RAD50: variants seen among roughly 807,000 people sequenced by gnomAD.
RAD50 encodes the protein DNA repair protein RAD50.
Under a neutral mutation model 168.8 loss-of-function variants are expected in RAD50, and 132 were observed. That is an observed-to-expected ratio of 0.78 (90% CI 0.68 to 0.90). The LOEUF (loss-of-function observed/expected upper bound fraction) is 0.90. Among genes scored for constraint, RAD50 ranks in the 40% least tolerant of loss-of-function variants. RAD50 has a pLI of 0.00. For synonymous variants in RAD50, 525 were observed against 497.4 expected (o/e 1.06, Z -0.74); for missense variants, 1,347 against 1,534.4 (o/e 0.88, Z 2.04).
Position 132,642,413 on chromosome 5 carries a change from T to A in RAD50, c.*49T>A. On this transcript the variant is annotated 3_prime_UTR_variant, in exon 25 of 25. Transcript: ENST00000378823. ...TAGAAATGTAGGTCCTCAGAAAGTG[T>A]ATAATAAGAAACTTATTTCTCATAT... 6.7e-7 allele frequency: 1 copy of A among 1,498,854 alleles called. No individual in the cohort carries two copies. 92.8% of individuals were successfully genotyped at this position (1,498,854 alleles called of 1,614,324 possible). A position where few individuals can be genotyped will look rare whatever the true frequency, so the allele number is the denominator to read the frequency against.
chr5:132,557,604 T>C, intron 1 of RAD50, 151 bp downstream of exon 1: 2 of 1,164,362 alleles, frequency 1.7e-6, no homozygotes, highest in Non-Finnish European at 2.4e-6. Context: ...GCCTGCAGGC[T>C]ACAGCGACCT....
At chr5:132,631,331 G>T (rs1025309742) in intron 21 of RAD50, among the ~76,000 whole-genome samples, 1 of 151,990 alleles carries the variant, frequency 6.6e-6, no homozygotes, top group Non-Finnish European at 1.5e-5. Flanking sequence ...TGTTGGCCAG[G>T]GTGGTCTCTA....
chr5:132,610,037 A>G (rs1281906916), intron 19 of RAD50, among the ~76,000 whole-genome samples: 1 of 151,318 alleles, frequency 6.6e-6, no homozygotes, highest in Non-Finnish European at 1.5e-5. Flanking sequence ...GTATATATAT[A>G]TATATATATT....
At chr5:132,630,004 A>AT (rs1751434970) in intron 21 of RAD50, among the ~76,000 whole-genome samples, 1 of 148,314 alleles carries the variant, frequency 6.7e-6, no homozygotes, top group African/African-American at 2.5e-5. Flanking sequence ...TTCTACTCTC[A>AT]TTTTTCCCCA....
At chr5:132,585,522 T>C (rs1750580752) in intron 5 of RAD50, among the ~76,000 whole-genome samples, 1 of 151,988 alleles carries the variant, frequency 6.6e-6, no homozygotes, top group Non-Finnish European at 1.5e-5. Context: ...TAGTAAAATA[T>C]AAAAGTCTTT....
At position 132,646,077 on chromosome 5, in the gene RAD50, C is replaced by T. The variant is rs1431626427; in HGVS notation, c.*3713C>T. On this transcript the variant is annotated 3_prime_UTR_variant, in exon 25 of 25. Coordinates refer to ENST00000378823, the MANE Select transcript of RAD50 (RefSeq NM_005732.4). ...AGCCTGGGTGGGTGGCAGAGTGAGACCCTGTCTAAAAAGACAAAAAAAAAA... is the reference window on the plus strand; with the variant it reads ...AGCCTGGGTGGGTGGCAGAGTGAGATCCTGTCTAAAAAGACAAAAAAAAAA... 1 of 126,486 alleles carries T rather than the reference C, an allele frequency of 7.9e-6. No homozygotes were observed. The highest frequency in any genetic ancestry group is 3.7e-5 in the African/African-American group (1 of 27,382). The allele number at this position is 126,486 out of a possible 1,614,324, so 7.8% of individuals were successfully genotyped here. A position where few individuals can be genotyped will look rare whatever the true frequency, so the allele number is the denominator to read the frequency against.
chr5:132,587,082 T>C (rs1183069935), intron 5 of RAD50, among the ~76,000 whole-genome samples: 1 of 152,182 alleles, frequency 6.6e-6, no homozygotes, highest in African/African-American at 2.4e-5. Context: ...GCTCCCTTGT[T>C]GTACTTTACT....
chr5:132,574,108 C>A (rs529040694), intron 2 of RAD50, among the ~76,000 whole-genome samples: 2 of 152,202 alleles, frequency 1.3e-5, no homozygotes, highest in South Asian at 4.1e-4. Flanking sequence ...ACTAGGCAGT[C>A]CCCTCCATAG....
Position 132,557,186 on chromosome 5 carries a change from G to A in RAD50, c.-139G>A. 1 of 1,189,962 alleles carries A rather than the reference G, an allele frequency of 8.4e-7. No individual in the cohort carries two copies. Among genetic ancestry groups the A allele is most frequent in the African/African-American group, 1.5e-5 (1 of 66,878 alleles). The allele number at this position is 1,189,962 out of a possible 1,614,324, so 73.7% of individuals were successfully genotyped here. ...TGTTGGCTGGCAGGATCTTTTGGCAGTCCTGTGGCCTCGCTCCCCGCCCGG... is the reference window on the plus strand; with the variant it reads ...TGTTGGCTGGCAGGATCTTTTGGCAATCCTGTGGCCTCGCTCCCCGCCCGG... On this transcript the variant is annotated 5_prime_UTR_variant, in exon 1 of 25. Transcript: ENST00000378823.
chr5:132,619,816 C>T (rs1401736086), intron 21 of RAD50, among the ~76,000 whole-genome samples: 6 of 97,278 alleles, frequency 6.2e-5, no homozygotes, highest in Non-Finnish European at 1.1e-4. Flanking sequence ...CTCTCTACTC[C>T]TCTCTCTCTC....
intron 13 of RAD50, among the ~76,000 whole-genome samples, chr5:132,601,257 C>G (rs1473533821): frequency 6.6e-6 from 1 of 152,144 alleles, no homozygotes; most frequent in African/African-American, 2.4e-5. Flanking sequence ...CTCAGCCTCC[C>G]AAAGTGCTCA....
chr5:132,625,903 AC>A (rs2149857365), intron 21 of RAD50, among the ~76,000 whole-genome samples: 1 of 150,044 alleles, frequency 6.7e-6, no homozygotes, highest in South Asian at 2.1e-4. Flanking sequence ...TATATGAACA[AC>A]TTTTTTTTTT....
At chr5:132,607,316 A>G (rs919394510) in intron 16 of RAD50, among the ~76,000 whole-genome samples, 5 of 151,918 alleles carry the variant, frequency 3.3e-5, no homozygotes, top group Admixed American at 6.5e-5. Flanking sequence ...CAGTCATAGC[A>G]CTCTTTCCAT....
chr5:132,585,758 C>T (rs543402664), intron 5 of RAD50, among the ~76,000 whole-genome samples: 5 of 151,994 alleles, frequency 3.3e-5, no homozygotes, highest in Non-Finnish European at 7.4e-5. Context: ...CACACACTCA[C>T]CACACCGGTG....
intron 2 of RAD50, among the ~76,000 whole-genome samples, chr5:132,569,984 C>G (rs527894965): frequency 6.6e-6 from 1 of 151,990 alleles, no homozygotes; most frequent in Non-Finnish European, 1.5e-5. Context: ...TAGAGAGATA[C>G]GGTAGAAAAG....
intron 21 of RAD50, among the ~76,000 whole-genome samples, chr5:132,633,385 G>T (rs899368555): frequency 6.6e-6 from 1 of 151,990 alleles, no homozygotes; most frequent in African/African-American, 2.4e-5. Flanking sequence ...GATTACAGGT[G>T]TGAGCCACCG....
intron 19 of RAD50, among the ~76,000 whole-genome samples, chr5:132,610,683 A>G (rs1751068604): frequency 6.6e-6 from 1 of 152,210 alleles, no homozygotes; most frequent in Non-Finnish European, 1.5e-5. Flanking sequence ...AGGGAGATCA[A>G]ATCTCTGCCT....
chr5:132,591,193 C>T (rs377631519), intron 9 of RAD50, 31 bp from the exon 10 acceptor site: 30 of 1,562,860 alleles, frequency 1.9e-5, no homozygotes, highest in Non-Finnish European at 2.6e-5. Flanking sequence ...AAATATATAA[C>T]ACCTTTGCAT....
intron 1 of RAD50, 57 bp from the exon 2 acceptor site, chr5:132,559,227 A>G (rs984065647): frequency 6.8e-7 from 1 of 1,464,900 alleles, no homozygotes; most frequent in South Asian, 1.3e-5. Context: ...TTCATATTTT[A>G]TGGTAAACTT....
Sources: gnomAD v4.1 joint callset for allele counts (sites outside exome capture counted in the v4.1 genomes callset) on GRCh38, gnomAD v4.1.1 for gene constraint, MANE v1.5 for transcripts, NCBI Gene and HGNC (gene_info 2026-07-23, HGNC 2026-07-21) for gene names.